Variants in PUM1 observed in about 807,000 individuals in gnomAD.
PUM1 encodes the protein pumilio RNA binding family member 1.
In PUM1, 13 loss-of-function variants were observed where a neutral mutation model predicts 131.8. The observed-to-expected ratio is 0.10, with a 90% CI of 0.06 to 0.16. The LOEUF (loss-of-function observed/expected upper bound fraction) is 0.16, where lower values mean the gene tolerates loss of function less well. Among genes scored for constraint, PUM1 ranks in the 10% least tolerant of loss-of-function variants. PUM1 has a pLI of 1.00. For synonymous variants in PUM1, 509 were observed against 556.5 expected, an observed-to-expected ratio of 0.91 and a Z score of 1.20; for missense variants, 961 against 1,512.4, an observed-to-expected ratio of 0.64 and a Z score of 6.05.
chr1:31,057,405 C>CAAAA (rs1223950994), intron 2 of PUM1, among the ~76,000 whole-genome samples: 8 of 68,764 alleles, frequency 1.2e-4, no homozygotes, highest in African/African-American at 3.6e-4. Context: ...GACCTTGTCT[C>CAAAA]AAAAAAAAAA....
chr1:30,995,402 T>G (rs1441552181), intron 5 of PUM1, among the ~76,000 whole-genome samples, 182 bp from the exon 6 acceptor site: 1 of 152,190 alleles, frequency 6.6e-6, no homozygotes, highest in Non-Finnish European at 1.5e-5. Context: ...TCTTGCCAAA[T>G]GAGGGAGACA....
At chr1:31,042,469 C>T (rs10798820) in intron 2 of PUM1, among the ~76,000 whole-genome samples, 43,252 of 151,694 alleles carry the variant, frequency 0.29, 7,944 homozygotes, top group East Asian at 0.53. Context: ...GACAGCACTT[C>T]ATCAGGGGAA....
At position 31,033,380 on chromosome 1, in the gene PUM1, T is replaced by TTC. The variant is rs1331988074; in HGVS notation, c.364-4517_364-4516insGA. 6.4e-5 allele frequency among the ~76,000 whole-genome samples: 4 copies of TTC among 62,124 alleles called. No homozygotes were observed. In the East Asian group the frequency reaches 9.3e-4, roughly 15 times the overall value. The allele number at this position is 62,124 out of a possible 152,430, so 40.8% of individuals were successfully genotyped here. On this transcript the variant is annotated intron_variant, in intron 2 of 21. Coordinates refer to ENST00000426105, the MANE Select transcript of PUM1 (RefSeq NM_001020658.2). ...CCACCACATCCAGCTAATTTTCTTT[T>TTC]TTTTTTTTTTTTTTTTTTTTTTTGA...
intron 9 of PUM1, among the ~76,000 whole-genome samples, chr1:30,976,213 C>T (rs557513493): frequency 2.2e-4 from 34 of 152,238 alleles, no homozygotes; most frequent in African/African-American, 7.9e-4. Context: ...CAAAATTATG[C>T]AGATATCAAC....
intron 14 of PUM1, among the ~76,000 whole-genome samples, chr1:30,956,194 T>C (rs1202533070): frequency 1.3e-5 from 2 of 152,184 alleles, no homozygotes; most frequent in African/African-American, 4.8e-5. Flanking sequence ...AAATGAAAAG[T>C]GATTTTTTTA....
intron 4 of PUM1, 83 bp from the exon 5 acceptor site, chr1:31,006,114 G>GA (rs1350984744): frequency 5.4e-5 from 68 of 1,268,418 alleles, no homozygotes; most frequent in Non-Finnish European, 7.0e-5. Flanking sequence ...ATAACCAATG[G>GA]AATCAGGAAA....
chr1:31,015,307 G>A (rs1413376009), intron 3 of PUM1, among the ~76,000 whole-genome samples: 1 of 151,966 alleles, frequency 6.6e-6, no homozygotes, highest in East Asian at 1.9e-4. Flanking sequence ...TATCTCTCAA[G>A]CAGATACATT....
At chr1:31,026,029 AC>A (rs1195051622) in intron 3 of PUM1, among the ~76,000 whole-genome samples, 1 of 152,102 alleles carries the variant, frequency 6.6e-6, no homozygotes, top group Admixed American at 6.5e-5. Flanking sequence ...AAGGCAGGCG[AC>A]TGCCTGAGCT....
chr1:30,974,929 T>C (rs1043902329), intron 9 of PUM1, 127 bp from the exon 10 acceptor site: 4 of 662,628 alleles, frequency 6.0e-6, no homozygotes, highest in Non-Finnish European at 9.8e-6. Context: ...TATTAATTTA[T>C]GCTAGCTAAT....
chr1:30,986,483 C>A (rs988419505), intron 7 of PUM1, among the ~76,000 whole-genome samples: 1 of 151,986 alleles, frequency 6.6e-6, no homozygotes, highest in African/African-American at 2.4e-5. Context: ...ATTTGAACTA[C>A]TGCAATGATC....
At chr1:31,014,471 C>T (rs1345860603) in intron 3 of PUM1, among the ~76,000 whole-genome samples, 2 of 151,556 alleles carry the variant, frequency 1.3e-5, no homozygotes, top group Non-Finnish European at 2.9e-5. Flanking sequence ...AAGACCCAAT[C>T]TCTATTTTTA....
chr1:31,050,254 G>A (rs1162464719), intron 2 of PUM1, among the ~76,000 whole-genome samples: 2 of 152,110 alleles, frequency 1.3e-5, no homozygotes, highest in Non-Finnish European at 2.9e-5. Flanking sequence ...GGAGGCCAAG[G>A]TGCGAGGACT....
chr1:30,974,536 CACA>C, intron 10 of PUM1, 112 bp downstream of exon 10: 2 of 1,057,874 alleles, frequency 1.9e-6, no homozygotes, highest in South Asian at 1.7e-5. Flanking sequence ...CATATATACA[CACA>C]AGAGGAAATT....
intron 3 of PUM1, among the ~76,000 whole-genome samples, chr1:31,015,876 T>C (rs560819358): frequency 6.6e-6 from 1 of 152,090 alleles, no homozygotes; most frequent in East Asian, 1.9e-4. Context: ...TTTCTCCATG[T>C]TGGTCAGGCT....
intron 7 of PUM1, among the ~76,000 whole-genome samples, chr1:30,983,758 A>ATT (rs386353877): frequency 0.018 from 2,331 of 129,470 alleles, 68 homozygotes; most frequent in African/African-American, 0.062. Flanking sequence ...CACGCCTGGC[A>ATT]TTTTTTTTTT....
At chr1:30,970,014 AT>A (rs758081447) in intron 10 of PUM1, among the ~76,000 whole-genome samples, 6 of 152,138 alleles carry the variant, frequency 3.9e-5, no homozygotes, top group Non-Finnish European at 8.8e-5. Flanking sequence ...GCTAGCAATC[AT>A]TATTATTCTG....
intron 2 of PUM1, among the ~76,000 whole-genome samples, chr1:31,044,552 G>C (rs1284391771): frequency 6.6e-6 from 1 of 152,204 alleles, no homozygotes; most frequent in African/African-American, 2.4e-5. Context: ...AAGTGGACTG[G>C]TGGTTGCCTA....
chr1:31,000,570 C>T (rs899485633), intron 5 of PUM1, among the ~76,000 whole-genome samples: 1 of 152,206 alleles, frequency 6.6e-6, no homozygotes, highest in African/African-American at 2.4e-5. Flanking sequence ...GGGAATACTT[C>T]CTAATATACC....
intron 16 of PUM1, among the ~76,000 whole-genome samples, chr1:30,951,026 T>C (rs1391737562): frequency 1.3e-5 from 2 of 152,202 alleles, no homozygotes; most frequent in African/African-American, 2.4e-5. Context: ...GGCTACACAA[T>C]GTTAAAATTC....
Sources: gnomAD v4.1 joint callset for allele counts (sites outside exome capture counted in the v4.1 genomes callset) on GRCh38, gnomAD v4.1.1 for gene constraint, MANE v1.5 for transcripts, NCBI Gene and HGNC (gene_info 2026-07-23, HGNC 2026-07-21) for gene names.